CDH17: variants seen among roughly 807,000 people sequenced by gnomAD.
CDH17 encodes cadherin 17.
In CDH17, 67 loss-of-function variants were observed where a neutral mutation model predicts 86.3. The observed-to-expected ratio is 0.78, with a 90% CI of 0.64 to 0.95. The LOEUF (loss-of-function observed/expected upper bound fraction) is 0.95, where lower values mean the gene tolerates loss of function less well. Ranked by LOEUF, CDH17 falls within the 40% of genes least tolerant of loss-of-function variation. CDH17 has a pLI of 0.00. For synonymous variants in CDH17, 367 were observed against 366.4 expected (o/e 1.00, Z -0.02); for missense variants, 993 against 1,017.6 (o/e 0.98, Z 0.33).
chr8:94,144,903 A>C (rs77094207), intron 15 of CDH17, among the ~76,000 whole-genome samples: 1 of 152,206 alleles, frequency 6.6e-6, no homozygotes, highest in Non-Finnish European at 1.5e-5. Flanking sequence ...GCATATGAAA[A>C]GATGCTCAAC....
chr8:94,193,720 A>C (rs1339739944), intron 2 of CDH17, among the ~76,000 whole-genome samples: 1 of 152,184 alleles, frequency 6.6e-6, no homozygotes, highest in African/African-American at 2.4e-5. Flanking sequence ...ACAGGCTTTG[A>C]GCCTGCAGGC....
intron 15 of CDH17, among the ~76,000 whole-genome samples, chr8:94,134,787 G>T (rs1180310612): frequency 4.6e-5 from 7 of 152,138 alleles, no homozygotes; most frequent in East Asian, 1.9e-4. Context: ...GCTTTCTCAT[G>T]TGGGCATTTA....
Position 94,148,814 on chromosome 8 carries a change from G to C in CDH17, c.1857C>G (p.Ile619Met). Residue 619 changes from isoleucine (I) to methionine (M), a missense_variant, in exon 14 of 18, where the codon ATC becomes ATG. Ile to Met is a conservative substitution (Grantham distance 10, BLOSUM62 1). Coordinates refer to ENST00000027335, the MANE Select transcript of CDH17 (RefSeq NM_004063.4). ...CTCTGTCCAATGGAGCCACACTAAA[G>C]ATCTCACCAGTCACGTGGTCAATTT... is the stretch of plus-strand genomic sequence containing the variant. ...WLKIDHVTGE[I>M]FSVAPLDREA... 6.3e-7 allele frequency: 1 copy of C among 1,586,148 alleles called. No individual in the cohort carries two copies. Among genetic ancestry groups the C allele is most frequent in the Non-Finnish European group, 8.6e-7 (1 of 1,166,996 alleles).
chr8:94,130,204 G>A (rs757091153), intron 17 of CDH17, among the ~76,000 whole-genome samples: 1 of 152,150 alleles, frequency 6.6e-6, no homozygotes, highest in Non-Finnish European at 1.5e-5. Flanking sequence ...TCTCAGCATC[G>A]CCACTGGAAG....
intron 1 of CDH17, among the ~76,000 whole-genome samples, chr8:94,199,057 ATATATATATATATATATATATATATATT>A (rs1371846184): frequency 0.022 from 592 of 27,036 alleles, 27 homozygotes; most frequent in African/African-American, 0.089. Context: ...ATATATATAT[ATATATATATATATATATATATATATATT>A]TTTTTTTTTT....
At chr8:94,179,014 C>T (rs1450074668) in intron 3 of CDH17, among the ~76,000 whole-genome samples, 1 of 148,338 alleles carries the variant, frequency 6.7e-6, no homozygotes, top group Non-Finnish European at 1.5e-5. Context: ...GGGAAATTAA[C>T]CAGATGCTTG....
chr8:94,177,130 G>A (rs778120233), intron 4 of CDH17, among the ~76,000 whole-genome samples: 1 of 152,186 alleles, frequency 6.6e-6, no homozygotes, highest in Non-Finnish European at 1.5e-5. Flanking sequence ...AAAGGAGAAA[G>A]AGAGGGAGAC....
chr8:94,141,503 G>A (rs1202921485), intron 15 of CDH17, among the ~76,000 whole-genome samples: 2 of 152,112 alleles, frequency 1.3e-5, no homozygotes, highest in Non-Finnish European at 2.9e-5. Flanking sequence ...AAAGGAAGAA[G>A]TCATTATTCA....
chr8:94,149,017 TTATCAGCATTAC>T, intron 13 of CDH17, 143 bp from the exon 14 acceptor site: 1 of 544,800 alleles, frequency 1.8e-6, no homozygotes, highest in Non-Finnish European at 3.0e-6. Flanking sequence ...GAGATTATCA[TTATCAGCATTAC>T]TTGTATATTA....
upstream of CDH17, among the ~76,000 whole-genome samples, chr8:94,209,845 C>G (rs1285020684): frequency 6.6e-6 from 1 of 152,136 alleles, no homozygotes; most frequent in Non-Finnish European, 1.5e-5. Flanking sequence ...AGCATCTCAT[C>G]ACACAGCATT....
chr8:94,195,226 T>TC (rs1813760157), intron 1 of CDH17, among the ~76,000 whole-genome samples: 1 of 152,182 alleles, frequency 6.6e-6, no homozygotes, highest in Admixed American at 6.5e-5. Flanking sequence ...TAGTTTCGAA[T>TC]TCCTGACTTC....
intron 1 of CDH17, among the ~76,000 whole-genome samples, chr8:94,196,483 T>C (rs978378912): frequency 3.3e-5 from 5 of 152,076 alleles, no homozygotes; most frequent in African/African-American, 9.7e-5. Context: ...GGCAGGTGGG[T>C]TGCTTGAGCT....
rs756187458 is a variant in CDH17 at position 94,170,968 on chromosome 8, G to A, written c.801C>T (p.Pro267=). ...IKITQVRWND[P]GAQYSLVDKE... ...TGTCAACTAAGGAATATTGTGCACC[G>A]GGATCATTCCACCGCACCTACAGGG... The change falls in exon 8 of 18, where the codon CCC becomes CCT. Residue 267 remains proline (P), a synonymous_variant. Coordinates refer to ENST00000027335, the MANE Select transcript of CDH17 (RefSeq NM_004063.4). 16 of 1,613,450 alleles carry A rather than the reference G, an allele frequency of 9.9e-6. No homozygotes were observed. Among genetic ancestry groups the A allele is most frequent in the East Asian group, 4.5e-5 (2 of 44,838 alleles).
At chr8:94,169,273 G>C (rs1049446147) in intron 9 of CDH17, among the ~76,000 whole-genome samples, 3 of 152,058 alleles carry the variant, frequency 2.0e-5, no homozygotes, top group Admixed American at 6.6e-5. Context: ...TCCTTATAAC[G>C]AACTGAAGTC....
At chr8:94,152,674 A>T (rs1812878632) in intron 12 of CDH17, among the ~76,000 whole-genome samples, 1 of 152,166 alleles carries the variant, frequency 6.6e-6, no homozygotes, top group South Asian at 2.1e-4. Flanking sequence ...CTGGGATTAC[A>T]GGTATGAGCC....
In CDH17 at chr8:94,160,077, G is replaced by A. The variant is rs745720823; in HGVS notation, c.1445C>T (p.Thr482Ile). The A allele has an allele frequency of 6.2e-6, 10 of 1,613,676 alleles. No homozygotes were observed. The Admixed American group carries it at 1.3e-4, about 22-fold the overall frequency. Residue 482 changes from threonine (T) to isoleucine (I), a missense_variant, in exon 12 of 18, where the codon ACT becomes ATT. Physicochemically the swap from Thr to Ile is moderately conservative, Grantham distance 89 (BLOSUM62 -1). Coordinates refer to ENST00000027335, the MANE Select transcript of CDH17 (RefSeq NM_004063.4). ...ATGATACAGAATTTTAGAACTCCCA[G>A]TAAATGGCTCATCAGCATCAGTGGC... is the stretch of plus-strand genomic sequence containing the variant. ...IQATDADEPF[T>I]GSSKILYHII... is the part of the protein sequence containing the mutation.
At chr8:94,140,501 C>G in intron 15 of CDH17, among the ~76,000 whole-genome samples, 1 of 151,894 alleles carries the variant, frequency 6.6e-6, no homozygotes, top group Non-Finnish European at 1.5e-5. Context: ...AAAAAGATCT[C>G]AAATTAATGG....
chr8:94,183,165 A>G (rs113737118), intron 3 of CDH17, among the ~76,000 whole-genome samples: 3 of 152,308 alleles, frequency 2.0e-5, no homozygotes, highest in African/African-American at 7.2e-5. Context: ...TAATGCTATT[A>G]AGATGGCAAT....
intron 3 of CDH17, among the ~76,000 whole-genome samples, chr8:94,178,533 A>G (rs1169826620): frequency 6.6e-6 from 1 of 152,142 alleles, no homozygotes; most frequent in Non-Finnish European, 1.5e-5. Flanking sequence ...AAGTAACTTT[A>G]TTTATAATAC....
Sources: gnomAD v4.1 joint callset for allele counts (sites outside exome capture counted in the v4.1 genomes callset) on GRCh38, gnomAD v4.1.1 for gene constraint, MANE v1.5 for transcripts, NCBI Gene and HGNC (gene_info 2026-07-23, HGNC 2026-07-21) for gene names.